Variants in PHACTR4 observed in about 807,000 individuals in gnomAD.
The protein encoded by PHACTR4 is phosphatase and actin regulator 4.
Under a neutral mutation model 72.7 loss-of-function variants are expected in PHACTR4, and 51 were observed. That is an observed-to-expected ratio of 0.70 (90% CI 0.56 to 0.89). PHACTR4 has a LOEUF of 0.89. Ranked by LOEUF, PHACTR4 falls within the 40% of genes least tolerant of loss-of-function variation. PHACTR4 has a pLI of 0.00. For missense variants in PHACTR4, 731 were observed against 861.8 expected, an observed-to-expected ratio of 0.85 and a Z score of 1.90; for synonymous variants, 255 against 302.5, an observed-to-expected ratio of 0.84 and a Z score of 1.63.
At chr1:28,433,169 A>ATTTGTTAG in intron 2 of PHACTR4, 2 of 807,464 alleles carry the variant, frequency 2.5e-6, no homozygotes, top group African/African-American at 1.9e-5. Context: ...TTATTAGCTA[A>ATTTGTTAG]CAAATAACAA....
intron 1 of PHACTR4, among the ~76,000 whole-genome samples, chr1:28,380,495 T>G (rs1160424586): frequency 6.6e-6 from 1 of 152,130 alleles, no homozygotes; most frequent in Non-Finnish European, 1.5e-5. Flanking sequence ...TTCCAGATCC[T>G]CTCCCTGCTC....
At chr1:28,438,455 A>G (rs368188119) in intron 2 of PHACTR4, 6 of 1,611,750 alleles carry the variant, frequency 3.7e-6, no homozygotes, top group Non-Finnish European at 5.1e-6. Context: ...GCAGAGAAAC[A>G]GAAAATCTTG....
At chr1:28,451,302 A>G (rs1657951843) in intron 2 of PHACTR4, among the ~76,000 whole-genome samples, 1 of 151,622 alleles carries the variant, frequency 6.6e-6, no homozygotes, top group African/African-American at 2.4e-5. Flanking sequence ...CTTTGTTTCT[A>G]TTACAGTTTC....
intron 6 of PHACTR4, among the ~76,000 whole-genome samples, chr1:28,471,889 A>T (rs951310732): frequency 6.6e-6 from 1 of 151,992 alleles, no homozygotes; most frequent in Non-Finnish European, 1.5e-5. Context: ...GTGCAAAGGG[A>T]ACATAAGAGG....
rs1223524451 is a variant in PHACTR4, at chr1:28,500,258, A to G, written c.*3709A>G. Reference sequence around the variant, plus strand: ...AAAGCCTGGTGTATTGTACTTCAAGATGCCTCCCTGATGTATAGAATCTCC... The same window carrying G: ...AAAGCCTGGTGTATTGTACTTCAAGGTGCCTCCCTGATGTATAGAATCTCC... On this transcript the variant is annotated 3_prime_UTR_variant, in exon 14 of 14. Coordinates refer to ENST00000373839, the MANE Select transcript of PHACTR4 (RefSeq NM_001048183.3). The G allele has an allele frequency of 3.9e-5, 6 of 152,296 alleles. No individual in the cohort carries two copies. The East Asian group carries it at 9.6e-4, about 24-fold the overall frequency. 9.4% of individuals were successfully genotyped at this position (152,296 alleles called of 1,614,324 possible). A position where few individuals can be genotyped will look rare whatever the true frequency, so the allele number is the denominator to read the frequency against.
rs1367725447 is a variant in PHACTR4 at position 28,473,837 on chromosome 1, G to C, written c.1107G>C (p.Val369=). The C allele has an allele frequency of 1.2e-6, 2 of 1,613,530 alleles. No individual in the cohort carries two copies. ...PPFPAKTFQV[V]PEIEFPPSLD... is the part of the protein sequence containing the mutation. ...TCCCTGCTAAGACTTTTCAAGTTGT[G>C]CCAGAAATTGAGTTTCCACCATCCT... is the stretch of plus-strand genomic sequence containing the variant. The change falls in exon 7 of 14, where the codon GTG becomes GTC. Residue 369 remains valine, a synonymous_variant. Coordinates refer to ENST00000373839, the MANE Select transcript of PHACTR4 (RefSeq NM_001048183.3).
At chr1:28,488,870 A>G (rs919868324) in intron 9 of PHACTR4, among the ~76,000 whole-genome samples, 2 of 152,198 alleles carry the variant, frequency 1.3e-5, no homozygotes, top group Non-Finnish European at 2.9e-5. Flanking sequence ...CGCTTCACGG[A>G]TGAGGACACT....
intron 9 of PHACTR4, chr1:28,481,420 T>G (rs1660271799): frequency 6.6e-6 from 1 of 152,156 alleles, no homozygotes; most frequent in South Asian, 2.1e-4. Flanking sequence ...AAGAGGCCCT[T>G]TGGGCCTGAC....
In PHACTR4 at chr1:28,466,522, G is replaced by C; in HGVS notation, c.577G>C (p.Gly193Arg). 6.2e-7 allele frequency: 1 copy of C among 1,614,060 alleles called. No homozygotes were observed. Among genetic ancestry groups the C allele is most frequent in the Non-Finnish European group, 8.5e-7 (1 of 1,180,006 alleles). The part of the protein sequence containing the change: ...EGQAKDATSS[G>R]GTARFIISTS... ...GCAAGCAAAGGATGCCACTTCCTCT[G>C]GCGGCACGGCAAGGTTCATCATCTC... is the stretch of plus-strand genomic sequence containing the variant. The change falls in exon 6 of 14, where the codon GGC becomes CGC. Residue 193 changes from glycine (G) to arginine (R), a missense_variant. Around this residue, in one of 2 missense-constraint regions of PHACTR4, gnomAD observed 621 missense variants for 676.6 expected, o/e 0.92. Coordinates refer to ENST00000373839, the MANE Select transcript of PHACTR4 (RefSeq NM_001048183.3).
chr1:28,435,000 A>G (rs1233883734), intron 2 of PHACTR4, among the ~76,000 whole-genome samples: 2 of 152,104 alleles, frequency 1.3e-5, no homozygotes, highest in East Asian at 1.9e-4. Context: ...TGTATTTTCA[A>G]TGTGCCCAGT....
chr1:28,441,229 A>G (rs536038156), intron 2 of PHACTR4, among the ~76,000 whole-genome samples: 1 of 149,248 alleles, frequency 6.7e-6, no homozygotes, highest in South Asian at 2.1e-4. Context: ...ATTTAATTTT[A>G]TTTTTTTTTT....
rs1661364402 is a variant in PHACTR4 at position 28,496,387 on chromosome 1, A to G, written c.2094-147A>G. 9.8e-6 allele frequency: 8 copies of G among 815,816 alleles called. No individual in the cohort carries two copies. In the South Asian group the frequency reaches 1.2e-4, roughly 12 times the overall value. The allele number at this position is 815,816 out of a possible 1,614,324, so 50.5% of individuals were successfully genotyped here. On this transcript the variant is annotated intron_variant, in intron 13 of 13. Transcript: ENST00000373839. ...AGTTTTAAGAAGGAAGCAGATGAGG[A>G]GTATCAGATGCAACAGAAAGGTCAG...
At chr1:28,440,790 G>T (rs564833349) in intron 2 of PHACTR4, among the ~76,000 whole-genome samples, 20 of 152,174 alleles carry the variant, frequency 1.3e-4, no homozygotes, top group African/African-American at 4.8e-4. Flanking sequence ...AAACCTTGAG[G>T]ACTATACCAA....
chr1:28,491,549 T>G lies in PHACTR4; in HGVS notation c.1879-101T>G, dbSNP rs1570119138. 4 of 1,488,700 alleles carry G rather than the reference T, an allele frequency of 2.7e-6. 1 individual carries two copies. In the African/African-American group the frequency reaches 5.6e-5, roughly 21 times the overall value. 92.2% of individuals were successfully genotyped at this position (1,488,700 alleles called of 1,614,324 possible). A position where few individuals can be genotyped will look rare whatever the true frequency, so the allele number is the denominator to read the frequency against. On this transcript the variant is annotated intron_variant, in intron 11 of 13. Coordinates refer to ENST00000373839, the MANE Select transcript of PHACTR4 (RefSeq NM_001048183.3). ...CAATAGTGTCTAAAGCTCCCCCAGG[T>G]GATTCCAATGAAGATTGAAGCACTG...
At chr1:28,476,622 C>G (rs566663356) in intron 8 of PHACTR4, among the ~76,000 whole-genome samples, 2 of 150,560 alleles carry the variant, frequency 1.3e-5, no homozygotes, top group East Asian at 3.9e-4. Flanking sequence ...CTCACTGTAG[C>G]CTCCAACTCC....
chr1:28,468,333 G>T (rs1659342149), intron 6 of PHACTR4, among the ~76,000 whole-genome samples: 1 of 152,202 alleles, frequency 6.6e-6, no homozygotes, highest in South Asian at 2.1e-4. Flanking sequence ...GCTCATGCCT[G>T]TAATCCCAGC....
At chr1:28,410,711 C>A (rs1358892851) in intron 2 of PHACTR4, among the ~76,000 whole-genome samples, 7 of 151,718 alleles carry the variant, frequency 4.6e-5, no homozygotes, top group Non-Finnish European at 5.9e-5. Flanking sequence ...TTTTTCTTTT[C>A]TTTTTTTTAT....
chr1:28,439,596 A>T (rs536314764), intron 2 of PHACTR4, among the ~76,000 whole-genome samples: 2 of 152,306 alleles, frequency 1.3e-5, no homozygotes, highest in African/African-American at 2.4e-5. Context: ...TAACTCATTT[A>T]AAAAAATGAA....
chr1:28,375,174 C>T (rs1651549493), intron 1 of PHACTR4, among the ~76,000 whole-genome samples: 1 of 152,112 alleles, frequency 6.6e-6, no homozygotes, highest in South Asian at 2.1e-4. Flanking sequence ...TGGCCCATGC[C>T]TGTAGTCTCA....
Sources: gnomAD v4.1 joint callset for allele counts (sites outside exome capture counted in the v4.1 genomes callset) on GRCh38, gnomAD v4.1.1 for gene constraint, gnomAD v4.1.1 regional missense constraint, MANE v1.5 for transcripts, NCBI Gene and HGNC (gene_info 2026-07-23, HGNC 2026-07-21) for gene names.